Variants in ERICH1 observed in about 807,000 individuals in gnomAD.
ERICH1 encodes the protein glutamate rich 1.
In ERICH1, 56 loss-of-function variants were observed where a neutral mutation model predicts 39.6. The observed-to-expected ratio is 1.41, with a 90% confidence interval of 1.14 to 1.77. The LOEUF is 1.77. Ranked by LOEUF, ERICH1 falls within the 40% of genes most tolerant of loss-of-function variation. The pLI, the probability that ERICH1 is intolerant of heterozygous loss-of-function variation, is 0.00. For missense variants in ERICH1, 826 were observed against 575.4 expected (o/e 1.44, Z -4.45); for synonymous variants, 313 against 223.6 (o/e 1.40, Z -3.57).
chr8:722,641 C>G (rs76984914), intron 1 of ERICH1, among the ~76,000 whole-genome samples: 1,681 of 152,272 alleles, frequency 0.011, 41 homozygotes, highest in African/African-American at 0.038. Flanking sequence ...GTTGGGTATG[C>G]GACTCCTGGT....
At chr8:711,550 C>G (rs964423459) in intron 2 of ERICH1, among the ~76,000 whole-genome samples, 3 of 151,278 alleles carry the variant, frequency 2.0e-5, no homozygotes, top group Non-Finnish European at 4.4e-5. Context: ...CCAGGCCGGA[C>G]TGCAGTGGCA....
At chr8:685,045 TG>T (rs1346054433) in intron 3 of ERICH1, among the ~76,000 whole-genome samples, 4 of 152,222 alleles carry the variant, frequency 2.6e-5, no homozygotes, top group African/African-American at 9.6e-5. Context: ...TTCACCAGGC[TG>T]GAATCTCCTA....
chr8:651,043 G>C (rs1703911), intron 3 of ERICH1, among the ~76,000 whole-genome samples: 9 of 152,098 alleles, frequency 5.9e-5, no homozygotes, highest in Non-Finnish European at 1.2e-4. Flanking sequence ...CAGGGGTTCA[G>C]TGGTTTAAGG....
At chr8:679,470 C>T (rs1165471087) in intron 3 of ERICH1, among the ~76,000 whole-genome samples, 3 of 151,542 alleles carry the variant, frequency 2.0e-5, no homozygotes, top group African/African-American at 4.8e-5. Flanking sequence ...ACCCACCCCT[C>T]GCAGCTCTGT....
At chr8:688,187 G>T (rs1014666138) in intron 3 of ERICH1, among the ~76,000 whole-genome samples, 14 of 150,072 alleles carry the variant, frequency 9.3e-5, no homozygotes, top group African/African-American at 3.0e-4. Flanking sequence ...CGGGGCGCAG[G>T]ACACGGCAAG....
chr8:655,200 C>G (rs1481024752), intron 3 of ERICH1, among the ~76,000 whole-genome samples: 4 of 152,210 alleles, frequency 2.6e-5, no homozygotes, highest in Admixed American at 2.0e-4. Flanking sequence ...TTCAGCTTCG[C>G]CTTTCTAACA....
At chr8:671,138 A>G (rs1277575756) in intron 4 of ERICH1, among the ~76,000 whole-genome samples, 14 of 128,116 alleles carry the variant, frequency 1.1e-4, no homozygotes, top group South Asian at 5.4e-4. Flanking sequence ...TGAACGTGCC[A>G]GCCCCGGTTC....
chr8:615,058 T>C (rs1243054976), exon 4 of ERICH1: 4 of 583,424 alleles, frequency 6.9e-6, no homozygotes, highest in African/African-American at 5.6e-5. Flanking sequence ...CCAGCAGCCC[T>C]GTACCCATCG....
At chr8:658,491 TC>T (rs1056815257) in intron 3 of ERICH1, among the ~76,000 whole-genome samples, 1 of 152,154 alleles carries the variant, frequency 6.6e-6, no homozygotes, top group African/African-American at 2.4e-5. Context: ...AAACCCCTCA[TC>T]CCATCCCCGA....
chr8:690,380 C>T (rs1452719325), intron 3 of ERICH1, among the ~76,000 whole-genome samples: 1 of 152,258 alleles, frequency 6.6e-6, no homozygotes, highest in Non-Finnish European at 1.5e-5. Context: ...AAAAAATACA[C>T]ACAGGCCCTA....
chr8:650,040 G>T (rs1164576687), intron 3 of ERICH1, among the ~76,000 whole-genome samples: 1 of 152,236 alleles, frequency 6.6e-6, no homozygotes, highest in Non-Finnish European at 1.5e-5. Context: ...TGCGCTGAGC[G>T]CGACCTGCGT....
chr8:719,627 C>T (rs1383559234), intron 1 of ERICH1, among the ~76,000 whole-genome samples: 1 of 152,228 alleles, frequency 6.6e-6, no homozygotes, highest in South Asian at 2.1e-4. Flanking sequence ...TTCTGGCATC[C>T]GCTGGTGGGT....
At chr8:666,698 G>T (rs1802299161) in intron 5 of ERICH1, 1 of 152,506 alleles carries the variant, frequency 6.6e-6, no homozygotes, top group Admixed American at 6.5e-5. Flanking sequence ...GGAACCTGAG[G>T]TCTGACTGGC....
intron 2 of ERICH1, among the ~76,000 whole-genome samples, chr8:699,378 C>G (rs12156415): frequency 0.26 from 39,461 of 152,074 alleles, 5,413 homozygotes; most frequent in Non-Finnish European, 0.3. Flanking sequence ...CCTGGTACCA[C>G]GACATTTCAA....
chr8:699,670 G>C (rs1585437828), intron 2 of ERICH1, among the ~76,000 whole-genome samples: 1 of 151,830 alleles, frequency 6.6e-6, no homozygotes, highest in South Asian at 2.1e-4. Context: ...AGCACGTACA[G>C]ACCCGCACAC....
intron 2 of ERICH1, among the ~76,000 whole-genome samples, chr8:704,698 A>C (rs544869386): frequency 3.9e-5 from 6 of 152,182 alleles, no homozygotes; most frequent in Non-Finnish European, 8.8e-5. Flanking sequence ...GCTAAAAAAA[A>C]CCAAAATCCT....
chr8:629,002 C>T (rs536762694), intron 3 of ERICH1, among the ~76,000 whole-genome samples: 1 of 152,266 alleles, frequency 6.6e-6, no homozygotes, highest in Admixed American at 6.5e-5. Flanking sequence ...AATCCATCAG[C>T]ATCCTTTGTT....
In ERICH1 at chr8:668,726, G is replaced by T; in HGVS notation, c.1130C>A (p.Ala377Glu). The part of the protein sequence containing the change: ...DAAEELLDRL[A>E]SHSMLPSDVS... ...GTCTGAGGGCAGCATGCTGTGTGAC[G>T]CAAGGCGGTCCAGCAGCTCCTCAGC... Residue 377 changes from alanine to glutamate, a missense_variant, in exon 5 of 6, where the codon GCG (alanine) becomes GAG (glutamate). Physicochemically the swap from Ala to Glu is moderately radical, Grantham distance 107 (BLOSUM62 -1). Transcript: ENST00000262109. 2 of 1,613,878 alleles carry T rather than the reference G, an allele frequency of 1.2e-6. No individual in the cohort carries two copies. Among genetic ancestry groups the T allele is most frequent in the East Asian group, 2.2e-5 (1 of 44,884 alleles).
chr8:626,642 C>G (rs1044774533), intron 3 of ERICH1: 5 of 158,450 alleles, frequency 3.2e-5, no homozygotes, highest in Non-Finnish European at 7.0e-5. Flanking sequence ...TCAAGGTCCT[C>G]CTAAACATGG....
Sources: allele counts gnomAD v4.1 joint callset (sites outside exome capture counted in the v4.1 genomes callset), GRCh38; gene constraint gnomAD v4.1.1; transcripts MANE v1.5; gene names NCBI Gene and HGNC (gene_info 2026-07-23, HGNC 2026-07-21).